The following RABGEF1 variants were observed in gnomAD, a reference collection of about 807,000 sequenced individuals.
RABGEF1 encodes the protein RAB guanine nucleotide exchange factor 1.
Under a neutral mutation model 57.3 loss-of-function variants are expected in RABGEF1, and 26 were observed. That is an observed-to-expected ratio of 0.45 (90% CI 0.33 to 0.63). The LOEUF (loss-of-function observed/expected upper bound fraction) is 0.63. Among genes scored for constraint, RABGEF1 ranks in the 20% least tolerant of loss-of-function variants. The pLI is 0.02. For missense variants in RABGEF1, 464 were observed against 607.6 expected (o/e 0.76, Z 2.48); for synonymous variants, 185 against 210.7 (o/e 0.88, Z 1.06).
intron 1 of RABGEF1, among the ~76,000 whole-genome samples, chr7:66,748,030 T>C (rs1800631644): frequency 1.3e-5 from 2 of 152,166 alleles, no homozygotes; most frequent in African/African-American, 4.8e-5. Flanking sequence ...CAAATTTGGC[T>C]TTGCTTTTGA....
upstream of RABGEF1, among the ~76,000 whole-genome samples, chr7:66,677,858 G>A (rs549270474): frequency 2.0e-5 from 3 of 151,646 alleles, no homozygotes; most frequent in East Asian, 5.8e-4. Context: ...TTGAGTCCAG[G>A]AGTTTGAGAC....
At chr7:66,775,825 A>G (rs1289202476) in intron 3 of RABGEF1, among the ~76,000 whole-genome samples, 1 of 152,110 alleles carries the variant, frequency 6.6e-6, no homozygotes, top group Non-Finnish European at 1.5e-5. Flanking sequence ...AGCTTATTTG[A>G]GAGACAGCTT....
At chr7:66,766,791 C>T (rs1276151826) in intron 1 of RABGEF1, among the ~76,000 whole-genome samples, 1 of 151,936 alleles carries the variant, frequency 6.6e-6, no homozygotes, top group African/African-American at 2.4e-5. Flanking sequence ...GTGGTGCGAT[C>T]TCGGCTTACT....
chr7:66,775,753 C>G (rs994538757), intron 3 of RABGEF1, among the ~76,000 whole-genome samples: 5 of 152,062 alleles, frequency 3.3e-5, no homozygotes, highest in Non-Finnish European at 7.4e-5. Context: ...CTGTTCATAG[C>G]TTGTCAGAAA....
At chr7:66,674,446 C>T in the RABGEF1 span, among the ~76,000 whole-genome samples, 1 of 151,954 alleles carries the variant, frequency 6.6e-6, no homozygotes, top group African/African-American at 2.4e-5. Flanking sequence ...CTTCGGCCTC[C>T]GAAAGAGCTG....
chr7:66,730,333 A>G (rs1463100180), intron 2 of RABGEF1, among the ~76,000 whole-genome samples: 6 of 150,844 alleles, frequency 4.0e-5, no homozygotes, highest in Middle Eastern at 3.4e-3. Context: ...ATCTATCGAC[A>G]GGGGATAAAC....
intron 1 of RABGEF1, among the ~76,000 whole-genome samples, chr7:66,685,698 G>A (rs1353161170): frequency 6.6e-6 from 1 of 152,122 alleles, no homozygotes; most frequent in Non-Finnish European, 1.5e-5. Context: ...TTTGATTTTT[G>A]TTGCTGGTTT....
In RABGEF1 at chr7:66,775,356, AT is replaced by A. The variant is rs1411764028; in HGVS notation, c.311del (p.Phe104SerfsTer24). 6.2e-7 allele frequency: 1 copy of A among 1,613,804 alleles called. No individual in the cohort carries two copies. The highest frequency in any genetic ancestry group is 8.5e-7 in the Non-Finnish European group (1 of 1,179,836). On this transcript the variant is annotated frameshift_variant, in exon 3 of 9. Transcript: ENST00000284957. LOFTEE classifies it high-confidence loss of function. ...CCCGCAAGGTTACCACAGTGAAGAA[AT>A]TCTTCAGTGCATCTTCCAGGGTCGG... ...KTRKVTTVKKFFSASSRVGSK... is the reference protein window; with the variant it reads ...KTRKVTTVKKXFSASSRVGSK...
intron 1 of RABGEF1, among the ~76,000 whole-genome samples, chr7:66,743,650 C>T (rs1228067455): frequency 1.3e-5 from 2 of 152,012 alleles, no homozygotes; most frequent in African/African-American, 2.4e-5. Context: ...TACAGATGCC[C>T]GCCACCATGC....
At chr7:66,775,157 G>T in intron 2 of RABGEF1, 70 bp from the exon 3 acceptor site, 1 of 1,486,268 alleles carries the variant, frequency 6.7e-7, no homozygotes, top group Non-Finnish European at 9.0e-7. Flanking sequence ...AATTAATGGA[G>T]TAATAACCTT....
At chr7:66,751,027 T>G (rs1212491490) in intron 1 of RABGEF1, among the ~76,000 whole-genome samples, 1 of 143,128 alleles carries the variant, frequency 7.0e-6, no homozygotes, top group Non-Finnish European at 1.6e-5. Context: ...TTTCCCTCTT[T>G]TTTTCTTTTT....
chr7:66,717,125 G>A (rs1795500017), intron 2 of RABGEF1, among the ~76,000 whole-genome samples: 1 of 152,004 alleles, frequency 6.6e-6, no homozygotes, highest in African/African-American at 2.4e-5. Context: ...GCCTTCTTTT[G>A]GGTTATTTGA....
intron 1 of RABGEF1, among the ~76,000 whole-genome samples, chr7:66,706,540 G>T (rs1584813782): frequency 6.6e-6 from 1 of 151,254 alleles, no homozygotes; most frequent in Non-Finnish European, 1.5e-5. Flanking sequence ...CTTCTGAGTA[G>T]CTGGGACTAC....
chr7:66,732,746 TCTCGCTCTCTTGCTGTCTCTCTTTCTCA>T (rs1165415550), intron 2 of RABGEF1, among the ~76,000 whole-genome samples: 1 of 152,002 alleles, frequency 6.6e-6, no homozygotes, highest in Non-Finnish European at 1.5e-5. Context: ...TTGCTGTCTC[TCTCGCTCTCTTGCTGTCTCTCTTTCTCA>T]CTCGCTCTCT....
rs971627843 is a variant in RABGEF1 at position 66,790,728 on chromosome 7, A to T, written c.514-4783A>T. On this transcript the variant is annotated intron_variant, in intron 4 of 8. Coordinates refer to ENST00000284957, the MANE Select transcript of RABGEF1 (RefSeq NM_014504.3). ...GGAAAGCAGAAGTAACCAGTAGGTA[A>T]ACAGAAAAGTAAGCTGATCTCACAG... Among the ~76,000 whole-genome samples, 5 of 152,240 alleles carry T rather than the reference A, an allele frequency of 3.3e-5. No homozygotes were observed. In the East Asian group the frequency reaches 9.6e-4, roughly 29 times the overall value.
rs149097595 is a variant in RABGEF1 at position 66,775,275 on chromosome 7, A to T, written c.228A>T (p.Gln76His). The change falls in exon 3 of 9, where the codon CAA becomes CAT. Residue 76 changes from glutamine (Q) to histidine (H), a missense_variant. Coordinates refer to ENST00000284957, the MANE Select transcript of RABGEF1 (RefSeq NM_014504.3). ...EEAFASSQSSQGAQSLTFSKF... is the reference protein window; with the variant it reads ...EEAFASSQSSHGAQSLTFSKF... The stretch of plus-strand genomic sequence containing the variant: ...CCTTTGCCAGCAGTCAGAGCAGCCA[A>T]GGGGCCCAATCCCTCACATTCTCCA... 2.8e-5 allele frequency: 45 copies of T among 1,613,938 alleles called. No individual in the cohort carries two copies. The African/African-American group carries it at 5.2e-4, about 19-fold the overall frequency.
At chr7:66,770,702 C>T (rs1363675961) in intron 1 of RABGEF1, among the ~76,000 whole-genome samples, 3 of 152,100 alleles carry the variant, frequency 2.0e-5, no homozygotes, top group Non-Finnish European at 4.4e-5. Context: ...CAGGCTGGTC[C>T]TGAACTCCTA....
At chr7:66,732,798 T>C (rs1179236884) in intron 2 of RABGEF1, among the ~76,000 whole-genome samples, 1 of 152,124 alleles carries the variant, frequency 6.6e-6, no homozygotes, top group Non-Finnish European at 1.5e-5. Context: ...GCTGTCTCTC[T>C]CGCTTTTGCT....
At chr7:66,732,651 T>C (rs899185165) in intron 2 of RABGEF1, among the ~76,000 whole-genome samples, 2 of 152,128 alleles carry the variant, frequency 1.3e-5, no homozygotes, top group African/African-American at 4.8e-5. Flanking sequence ...TTCCACTCCA[T>C]CATGAAATTT....
Sources: gnomAD v4.1 joint callset for allele counts (sites outside exome capture counted in the v4.1 genomes callset) on GRCh38, gnomAD v4.1.1 for gene constraint, MANE v1.5 for transcripts, NCBI Gene and HGNC (gene_info 2026-07-23, HGNC 2026-07-21) for gene names.